The following FKBP5 variants were observed in gnomAD, a reference collection of about 807,000 sequenced individuals.
FKBP5 encodes the protein peptidyl-prolyl cis-trans isomerase FKBP5.
Under a neutral mutation model 50.5 loss-of-function variants are expected in FKBP5, and 23 were observed. The ratio of observed to expected loss-of-function variants is 0.46; its 90% CI spans 0.33 to 0.65. The LOEUF is 0.65. Ranked by LOEUF, FKBP5 falls within the 30% of genes least tolerant of loss-of-function variation. The pLI is 0.02. For missense variants in FKBP5, 411 were observed against 553.1 expected (o/e 0.74, Z 2.58); for synonymous variants, 176 against 190.6 (o/e 0.92, Z 0.63).
chr6:35,625,463 G>A (rs1389840981), intron 3 of FKBP5, among the ~76,000 whole-genome samples: 10 of 151,784 alleles, frequency 6.6e-5, no homozygotes, highest in Admixed American at 6.6e-4. Context: ...ATAGGCCGGT[G>A]CAGTGGCTCA....
At chr6:35,608,373 T>C (rs1284978310) in intron 5 of FKBP5, among the ~76,000 whole-genome samples, 2 of 152,064 alleles carry the variant, frequency 1.3e-5, no homozygotes, top group Non-Finnish European at 2.9e-5. Context: ...ATAAAAGAAT[T>C]AATCAGCATA....
chr6:35,582,950 G>T, intron 8 of FKBP5: 1 of 821,980 alleles, frequency 1.2e-6, no homozygotes, highest in Non-Finnish European at 1.5e-6. Flanking sequence ...AAAGTGGTGT[G>T]GTGGCTCACG....
At chr6:35,707,688 C>G (rs894614666) in intron 2 of FKBP5, among the ~76,000 whole-genome samples, 1 of 152,068 alleles carries the variant, frequency 6.6e-6, no homozygotes, top group African/African-American at 2.4e-5. Context: ...TTCTGATCCT[C>G]TCCCTTCTCT....
chr6:35,630,161 G>A (rs1764109717), intron 3 of FKBP5, among the ~76,000 whole-genome samples: 2 of 151,100 alleles, frequency 1.3e-5, no homozygotes, highest in Admixed American at 1.3e-4. Context: ...AGAGGGAGGA[G>A]GAGGAAGAAA....
At chr6:35,648,162 T>C in intron 1 of FKBP5, among the ~76,000 whole-genome samples, 1 of 152,238 alleles carries the variant, frequency 6.6e-6, no homozygotes, top group Non-Finnish European at 1.5e-5. Flanking sequence ...TAGATGATCC[T>C]AATGTGCAGT....
chr6:35,695,321 G>A (rs1249239490), intron 2 of FKBP5, among the ~76,000 whole-genome samples: 2 of 152,082 alleles, frequency 1.3e-5, no homozygotes, highest in Non-Finnish European at 2.9e-5. Flanking sequence ...ACGCCACAAC[G>A]CCTGACTAAT....
chr6:35,720,988 T>G (rs1766600604), intron 1 of FKBP5, among the ~76,000 whole-genome samples: 1 of 152,104 alleles, frequency 6.6e-6, no homozygotes, highest in Admixed American at 6.5e-5. Flanking sequence ...TGGTAGTACA[T>G]GAAAAAGGCA....
intron 1 of FKBP5, among the ~76,000 whole-genome samples, chr6:35,672,935 A>C (rs1765430067): frequency 6.6e-6 from 1 of 152,046 alleles, no homozygotes; most frequent in African/African-American, 2.4e-5. Flanking sequence ...GTCTCAAAAA[A>C]AAAAAAGAAA....
intron 2 of FKBP5, among the ~76,000 whole-genome samples, chr6:35,710,427 A>G (rs1401646902): frequency 6.6e-6 from 1 of 151,976 alleles, no homozygotes; most frequent in Admixed American, 6.6e-5. Flanking sequence ...TGATTGCACA[A>G]CTACACTCCA....
intron 5 of FKBP5, among the ~76,000 whole-genome samples, chr6:35,611,711 C>A (rs1763499823): frequency 1.3e-5 from 2 of 152,078 alleles, no homozygotes; most frequent in African/African-American, 4.8e-5. Flanking sequence ...ATAAAAATTA[C>A]AAGATGGTCA....
At chr6:35,624,735 C>T (rs2150980561) in intron 3 of FKBP5, among the ~76,000 whole-genome samples, 1 of 152,222 alleles carries the variant, frequency 6.6e-6, no homozygotes, top group Non-Finnish European at 1.5e-5. Context: ...TTCTTAAACT[C>T]CCCAAAATCA....
intron 2 of FKBP5, among the ~76,000 whole-genome samples, chr6:35,719,650 G>A (rs957907595): frequency 2.0e-5 from 3 of 152,248 alleles, no homozygotes; most frequent in African/African-American, 7.2e-5. Context: ...CAGTTTCCCA[G>A]GGACACCAAC....
intron 8 of FKBP5, chr6:35,584,423 T>C: frequency 2.0e-6 from 2 of 985,378 alleles, no homozygotes; most frequent in South Asian, 9.4e-5. Flanking sequence ...GAAATACAGA[T>C]CTTTAGTTCA....
Position 35,682,557 on chromosome 6 carries a change from C to T in FKBP5, c.-20+6247G>A, listed in dbSNP as rs554730957. ...TGAAATGACCATTTTCTGGGGACTC[C>T]TCATTTATAACATCTTTAAATTGCC... is the stretch of plus-strand genomic sequence containing the variant. On this transcript the variant is annotated intron_variant, in intron 1 of 10. Transcript: ENST00000357266. 1.2e-4 allele frequency among the ~76,000 whole-genome samples: 18 copies of T among 152,192 alleles called. 1 individual carries two copies. The East Asian group carries it at 3.5e-3, about 29-fold the overall frequency.
intron 1 of FKBP5, among the ~76,000 whole-genome samples, chr6:35,675,678 C>T (rs1346855704): frequency 1.3e-5 from 2 of 152,182 alleles, no homozygotes; most frequent in Non-Finnish European, 2.9e-5. Flanking sequence ...TTAGCAGCAG[C>T]AATACTTCAG....
intron 5 of FKBP5, among the ~76,000 whole-genome samples, chr6:35,601,576 CCAAAACAAAA>C (rs1286585867): frequency 6.6e-6 from 1 of 152,192 alleles, no homozygotes; most frequent in Non-Finnish European, 1.5e-5. Flanking sequence ...AAAATTCCTA[CCAAAACAAAA>C]CAGAACAAAA....
chr6:35,648,012 T>G (rs1185599293), intron 1 of FKBP5, among the ~76,000 whole-genome samples: 1 of 152,168 alleles, frequency 6.6e-6, no homozygotes, highest in Non-Finnish European at 1.5e-5. Context: ...GTTTCTTAAG[T>G]ATTTTTCTAA....
intron 2 of FKBP5, among the ~76,000 whole-genome samples, chr6:35,701,780 C>T (rs1766193986): frequency 6.6e-6 from 1 of 151,570 alleles, no homozygotes; most frequent in Non-Finnish European, 1.5e-5. Flanking sequence ...GGCTCAAGCA[C>T]ACCTCCCACC....
intron 1 of FKBP5, among the ~76,000 whole-genome samples, chr6:35,653,495 T>C (rs1764869228): frequency 6.6e-6 from 1 of 152,216 alleles, no homozygotes; most frequent in Non-Finnish European, 1.5e-5. Flanking sequence ...AATGGAGTTA[T>C]CTTGAGAACA....
Sources: allele counts gnomAD v4.1 joint callset (sites outside exome capture counted in the v4.1 genomes callset), GRCh38; gene constraint gnomAD v4.1.1; transcripts MANE v1.5; gene names NCBI Gene and HGNC (gene_info 2026-07-23, HGNC 2026-07-21).